The following USP14 variants were observed in gnomAD, a reference collection of about 807,000 sequenced individuals.
USP14 encodes ubiquitin carboxyl-terminal hydrolase 14.
USP14 carries 38 observed loss-of-function variants against 76.5 expected under a neutral mutation model. That is an observed-to-expected ratio of 0.50 (90% CI 0.38 to 0.65). The LOEUF (loss-of-function observed/expected upper bound fraction) is 0.65. Among genes scored for constraint, USP14 ranks in the 30% least tolerant of loss-of-function variants. USP14 has a pLI of 0.00. For synonymous variants in USP14, 192 were observed against 191.7 expected, an observed-to-expected ratio of 1.00 and a Z score of -0.01; for missense variants, 467 against 586.5, an observed-to-expected ratio of 0.80 and a Z score of 2.10.
chr18:168,920 C>CAA (rs2144216101), intron 3 of USP14, among the ~76,000 whole-genome samples: 1 of 145,314 alleles, frequency 6.9e-6, no homozygotes, highest in African/African-American at 2.5e-5. Flanking sequence ...AAAAAAAATA[C>CAA]AAAACAATTA....
chr18:203,616 CTTTT>C (rs773356989), intron 12 of USP14, among the ~76,000 whole-genome samples: 2 of 146,650 alleles, frequency 1.4e-5, no homozygotes, highest in African/African-American at 5.0e-5. Flanking sequence ...TGGTTTCTTT[CTTTT>C]TTTTTTTGAG....
chr18:192,703 G>A lies in USP14; in HGVS notation c.405-139G>A, dbSNP rs199800690. 5.4e-4 allele frequency: 343 copies of A among 641,038 alleles called. 1 individual carries two copies. In the East Asian group the frequency reaches 8.5e-3, roughly 16 times the overall value. 39.7% of individuals were successfully genotyped at this position (641,038 alleles called of 1,614,324 possible). A position where few individuals can be genotyped will look rare whatever the true frequency, so the allele number is the denominator to read the frequency against. ...TTTCTGGTCATGCAAGACCAGAAGA[G>A]AAGAAAAGGAAAGGTGGGAACAACT... is the stretch of plus-strand genomic sequence containing the variant. On this transcript the variant is annotated intron_variant, in intron 5 of 15. Coordinates refer to ENST00000261601, the MANE Select transcript of USP14 (RefSeq NM_005151.4).
intron 3 of USP14, among the ~76,000 whole-genome samples, 175 bp downstream of exon 3, chr18:166,994 G>C (rs1909291002): frequency 6.6e-6 from 1 of 151,742 alleles, no homozygotes. Context: ...AGTAGTTATA[G>C]GTTTGTTTTT....
chr18:188,712 G>A (rs1182542603), intron 5 of USP14, among the ~76,000 whole-genome samples: 1 of 151,786 alleles, frequency 6.6e-6, no homozygotes, highest in Non-Finnish European at 1.5e-5. Flanking sequence ...GAGTCTCGCT[G>A]TGTTGCCCAG....
chr18:208,303 T>G (rs374361299), intron 13 of USP14, among the ~76,000 whole-genome samples: 2 of 152,138 alleles, frequency 1.3e-5, no homozygotes, highest in Non-Finnish European at 2.9e-5. Flanking sequence ...TTTCTAGTAT[T>G]TATTACCCTT....
intron 5 of USP14, among the ~76,000 whole-genome samples, chr18:183,498 T>C (rs896817641): frequency 3.9e-5 from 6 of 152,054 alleles, no homozygotes; most frequent in Non-Finnish European, 5.9e-5. Flanking sequence ...CTTATACATA[T>C]TAAAATTTCT....
At chr18:162,149 A>G (rs1053962496) in intron 1 of USP14, among the ~76,000 whole-genome samples, 2 of 152,150 alleles carry the variant, frequency 1.3e-5, no homozygotes, top group Non-Finnish European at 2.9e-5. Context: ...TGGTTGATGG[A>G]CACTTGAGTT....
chr18:206,468 A>C (rs1910531604), intron 13 of USP14, among the ~76,000 whole-genome samples: 1 of 152,122 alleles, frequency 6.6e-6, no homozygotes, highest in African/African-American at 2.4e-5. Flanking sequence ...TGGTTTGTGA[A>C]TATTTTCTCC....
chr18:159,565 T>G (rs1238812353), intron 1 of USP14, among the ~76,000 whole-genome samples: 1 of 152,214 alleles, frequency 6.6e-6, no homozygotes, highest in East Asian at 1.9e-4. Flanking sequence ...TACAGTTCCT[T>G]TATTGAAGAT....
chr18:184,701 G>A (rs1909880692), intron 5 of USP14, among the ~76,000 whole-genome samples: 2 of 152,148 alleles, frequency 1.3e-5, no homozygotes, highest in African/African-American at 4.8e-5. Flanking sequence ...CTGGGAGGTC[G>A]AGTCTGCAGT....
At chr18:191,632 A>G (rs1434067920) in intron 5 of USP14, among the ~76,000 whole-genome samples, 1 of 152,142 alleles carries the variant, frequency 6.6e-6, no homozygotes, top group African/African-American at 2.4e-5. Context: ...TAGTTTGCAC[A>G]TTCTGAAACG....
intron 13 of USP14, among the ~76,000 whole-genome samples, chr18:208,434 G>T (rs1382214960): frequency 6.6e-6 from 1 of 151,884 alleles, no homozygotes; most frequent in Non-Finnish European, 1.5e-5. Flanking sequence ...CAAAGAATTG[G>T]CTTTGTTTCA....
At position 211,219 on chromosome 18, in the gene USP14, A is replaced by G. The variant is rs774825018; in HGVS notation, c.1420A>G (p.Ile474Val). 2 of 1,614,168 alleles carry G rather than the reference A, an allele frequency of 1.2e-6. No homozygotes were observed. The highest frequency in any genetic ancestry group is 1.7e-6 in the Non-Finnish European group (2 of 1,179,996). The stretch of plus-strand genomic sequence containing the variant: ...GCTTTCTGGTGGTGGAGACTGGCAT[A>G]TCGCTTACGTTCTACTCTATGGGCC... ...LRLSGGGDWH[I>V]AYVLLYGPRR... Residue 474 changes from isoleucine to valine, a missense_variant, in exon 16 of 16, where the codon ATC (isoleucine) becomes GTC (valine). Physicochemically the swap from Ile to Val is conservative, Grantham distance 29 (BLOSUM62 3). Coordinates refer to ENST00000261601, the MANE Select transcript of USP14 (RefSeq NM_005151.4).
intron 10 of USP14, among the ~76,000 whole-genome samples, chr18:202,346 A>G (rs1394973611): frequency 6.6e-6 from 1 of 152,250 alleles, no homozygotes; most frequent in Non-Finnish European, 1.5e-5. Context: ...AGAAGCAGAA[A>G]GGTGATCATG....
intron 5 of USP14, among the ~76,000 whole-genome samples, chr18:180,644 A>AT (rs1909761535): frequency 6.6e-6 from 1 of 152,180 alleles, no homozygotes. Context: ...AGATTTGCTC[A>AT]TTCTGGGCAT....
chr18:190,752 G>C lies in USP14; in HGVS notation c.405-2090G>C, dbSNP rs533546214. 2.0e-5 allele frequency among the ~76,000 whole-genome samples: 3 copies of C among 152,148 alleles called. No homozygotes were observed. In the East Asian group the frequency reaches 5.8e-4, roughly 29 times the overall value. The stretch of plus-strand genomic sequence containing the variant: ...ATCATTACTTTTTATTTATTGACTT[G>C]ACAGAGATAAGGAAAGATTCTCAGT... On this transcript the variant is annotated intron_variant, in intron 5 of 15. Transcript: ENST00000261601.
rs767773936 is a variant in USP14, at chr18:214,222, ATAAG to A, written c.*2940_*2943del. ...GTTGATCCTCTGCTTGAAAGCACGAATAAGTGAGAACAGAGCAGTCATATGGTTT... is the reference window on the plus strand; with the variant it reads ...GTTGATCCTCTGCTTGAAAGCACGAATGAGAACAGAGCAGTCATATGGTTT... On this transcript the variant is annotated 3_prime_UTR_variant, in exon 16 of 16. Transcript: ENST00000261601. 6.2e-6 allele frequency: 1 copy of A among 162,550 alleles called. No homozygotes were observed. The highest frequency in any genetic ancestry group is 1.3e-5 in the Non-Finnish European group (1 of 74,728). 10.1% of individuals were successfully genotyped at this position (162,550 alleles called of 1,614,324 possible).
intron 3 of USP14, among the ~76,000 whole-genome samples, chr18:174,173 C>G (rs1304773674): frequency 6.6e-6 from 1 of 152,040 alleles, no homozygotes; most frequent in Non-Finnish European, 1.5e-5. Flanking sequence ...TTCTAACTTA[C>G]AAACATGGTA....
chr18:204,304 C>T (rs1350109586), intron 12 of USP14, among the ~76,000 whole-genome samples: 1 of 151,766 alleles, frequency 6.6e-6, no homozygotes, highest in African/African-American at 2.4e-5. Context: ...TTGGTACTTC[C>T]TCTGTGGTTA....
Sources: allele counts gnomAD v4.1 joint callset (sites outside exome capture counted in the v4.1 genomes callset), GRCh38; gene constraint gnomAD v4.1.1; transcripts MANE v1.5; gene names NCBI Gene and HGNC (gene_info 2026-07-23, HGNC 2026-07-21).